The following CHSY3 variants were observed in gnomAD, a reference collection of about 807,000 sequenced individuals.
CHSY3 encodes the protein chondroitin sulfate synthase 3.
CHSY3 carries 35 observed loss-of-function variants against 67.2 expected under a neutral mutation model. That is an observed-to-expected ratio of 0.52 (90% CI 0.40 to 0.69). The LOEUF (loss-of-function observed/expected upper bound fraction) is 0.69. Ranked by LOEUF, CHSY3 falls within the 30% of genes least tolerant of loss-of-function variation. CHSY3 has a pLI of 0.00. For missense variants in CHSY3, 1,069 were observed against 1,138.5 expected, an observed-to-expected ratio of 0.94 and a Z score of 0.88; for synonymous variants, 474 against 434.7, an observed-to-expected ratio of 1.09 and a Z score of -1.12.
intron 2 of CHSY3, among the ~76,000 whole-genome samples, chr5:129,916,145 T>C (rs1386770388): frequency 1.3e-5 from 2 of 152,224 alleles, no homozygotes; most frequent in South Asian, 2.1e-4. Context: ...CAAAGAGCCC[T>C]TCAAGGATGT....
chr5:130,169,144 C>G (rs996000812), intron 2 of CHSY3, among the ~76,000 whole-genome samples: 1 of 152,026 alleles, frequency 6.6e-6, no homozygotes, highest in Non-Finnish European at 1.5e-5. Flanking sequence ...AATTAGATTT[C>G]ACTAACCTTC....
chr5:130,152,011 G>A (rs1322436960), intron 2 of CHSY3, among the ~76,000 whole-genome samples: 2 of 152,174 alleles, frequency 1.3e-5, no homozygotes, highest in Admixed American at 6.5e-5. Flanking sequence ...CAGGCACTAG[G>A]TGCCCTTGAG....
chr5:129,936,582 G>C (rs1216460167), intron 2 of CHSY3, among the ~76,000 whole-genome samples: 2 of 152,128 alleles, frequency 1.3e-5, no homozygotes, highest in African/African-American at 4.8e-5. Context: ...TCACCAGCTT[G>C]CTGGGCAGCT....
chr5:129,989,801 T>A (rs1763308057), intron 2 of CHSY3, among the ~76,000 whole-genome samples: 1 of 152,220 alleles, frequency 6.6e-6, no homozygotes, highest in Non-Finnish European at 1.5e-5. Context: ...AATATTACTT[T>A]GGTAAGTTAA....
At chr5:130,018,959 C>T (rs1403655210) in intron 2 of CHSY3, among the ~76,000 whole-genome samples, 1 of 152,106 alleles carries the variant, frequency 6.6e-6, no homozygotes, top group Non-Finnish European at 1.5e-5. Context: ...GCCCGCTTCC[C>T]CTCGGACCAT....
Position 129,904,995 on chromosome 5 carries a change from C to T in CHSY3, c.166C>T (p.Arg56Cys). The change falls in exon 1 of 3, where the codon CGC becomes TGC. Residue 56 changes from arginine to cysteine, a missense_variant. Coordinates refer to ENST00000305031, the MANE Select transcript of CHSY3 (RefSeq NM_175856.5). The part of the protein sequence containing the change: ...SYYGRSAAGP[R>C]AGAQQPLPQP... ...CTACGGTCGCTCTGCTGCTGGCCCC[C>T]GCGCCGGCGCTCAGCAGCCGCTCCC... 1.9e-6 allele frequency: 3 copies of T among 1,567,286 alleles called. No homozygotes were observed. Among genetic ancestry groups the T allele is most frequent in the South Asian group, 2.3e-5 (2 of 86,398 alleles).
At chr5:130,155,117 T>C (rs1186314351) in intron 2 of CHSY3, among the ~76,000 whole-genome samples, 1 of 152,216 alleles carries the variant, frequency 6.6e-6, no homozygotes, top group Non-Finnish European at 1.5e-5. Context: ...ATGAGGTCTG[T>C]AGGAGGCATT....
chr5:130,106,020 C>T (rs1452203941), intron 2 of CHSY3, among the ~76,000 whole-genome samples: 1 of 151,508 alleles, frequency 6.6e-6, no homozygotes, highest in Non-Finnish European at 1.5e-5. Flanking sequence ...ATATTTTTCA[C>T]TGTGAATATG....
intron 2 of CHSY3, among the ~76,000 whole-genome samples, chr5:130,100,245 G>A (rs967902623): frequency 3.3e-5 from 5 of 151,986 alleles, no homozygotes; most frequent in East Asian, 3.9e-4. Context: ...GCAGTCGCGC[G>A]ATCTCCGCTC....
intron 2 of CHSY3, among the ~76,000 whole-genome samples, chr5:130,100,332 C>T (rs991575501): frequency 2.7e-5 from 4 of 150,860 alleles, no homozygotes; most frequent in Admixed American, 1.3e-4. Flanking sequence ...CTACAGGTGC[C>T]CACCACCATG....
chr5:130,167,308 T>C (rs1769776220), intron 2 of CHSY3, among the ~76,000 whole-genome samples: 1 of 152,074 alleles, frequency 6.6e-6, no homozygotes. Context: ...AAAGTTAGGC[T>C]TCTACCCTCC....
chr5:130,185,018 C>A lies in CHSY3; in HGVS notation c.1876C>A (p.Pro626Thr). ...TGAAAAGAAAGTACACATTCTCGTT[C>A]CTCTCATCGGAAGGTATGACATTTT... ...HNEKKVHILV[P>T]LIGRYDIFLR... Residue 626 changes from proline to threonine, a missense_variant, in exon 3 of 3, where the codon CCT (proline) becomes ACT (threonine). By Grantham distance (38) the Pro-to-Thr change is conservative (BLOSUM62 -1). Transcript: ENST00000305031. The A allele has an allele frequency of 1.3e-6, 2 of 1,571,532 alleles. No homozygotes were observed. Among genetic ancestry groups the A allele is most frequent in the East Asian group, 2.2e-5 (1 of 44,614 alleles).
chr5:130,131,351 C>T (rs75589063), intron 2 of CHSY3, among the ~76,000 whole-genome samples: 6,885 of 152,206 alleles, frequency 0.045, 431 homozygotes, highest in East Asian at 0.27. Context: ...TCCTGACTCT[C>T]TCTGCTGTTT....
intron 2 of CHSY3, among the ~76,000 whole-genome samples, chr5:130,160,170 G>T (rs894302390): frequency 2.6e-5 from 4 of 152,138 alleles, no homozygotes; most frequent in African/African-American, 7.2e-5. Context: ...TTTATTCATA[G>T]AAAGATTATG....
intron 2 of CHSY3, among the ~76,000 whole-genome samples, chr5:130,071,369 T>C (rs1766059520): frequency 6.6e-6 from 1 of 152,092 alleles, no homozygotes; most frequent in African/African-American, 2.4e-5. Context: ...AAACCTGACA[T>C]TTGTATTCTG....
chr5:129,941,264 T>G (rs1470907492), intron 2 of CHSY3, among the ~76,000 whole-genome samples: 1 of 152,170 alleles, frequency 6.6e-6, no homozygotes, highest in Non-Finnish European at 1.5e-5. Flanking sequence ...TATGGTGGAT[T>G]TATTGGGATG....
intron 2 of CHSY3, among the ~76,000 whole-genome samples, chr5:130,094,282 C>G (rs10463508): frequency 0.13 from 18,993 of 151,850 alleles, 1,504 homozygotes; most frequent in East Asian, 0.34. Context: ...AAAATTACCC[C>G]CTAAAAAAAT....
At chr5:129,947,306 G>T (rs1446482959) in intron 2 of CHSY3, among the ~76,000 whole-genome samples, 1 of 152,022 alleles carries the variant, frequency 6.6e-6, no homozygotes, top group Non-Finnish European at 1.5e-5. Flanking sequence ...CACGACATAT[G>T]GGGATTATGG....
At chr5:130,000,732 C>CTTTTTTTTTTTTTTTT (rs71000946) in intron 2 of CHSY3, among the ~76,000 whole-genome samples, 1 of 76,450 alleles carries the variant, frequency 1.3e-5, no homozygotes, top group Non-Finnish European at 2.3e-5. Context: ...AACTTTTCTT[C>CTTTTTTTTTTTTTTTT]TTTTTTTTTT....
Sources: allele counts gnomAD v4.1 joint callset (sites outside exome capture counted in the v4.1 genomes callset), GRCh38; gene constraint gnomAD v4.1.1; transcripts MANE v1.5; gene names NCBI Gene and HGNC (gene_info 2026-07-23, HGNC 2026-07-21).